Variants in FHIT observed in about 807,000 individuals in gnomAD.
FHIT encodes fragile histidine triad diadenosine triphosphatase.
FHIT carries 19 observed loss-of-function variants against 17.9 expected under a neutral mutation model. The ratio of observed to expected loss-of-function variants is 1.06; its 90% CI spans 0.74 to 1.56. FHIT has a LOEUF of 1.56. FHIT is among the 40% of genes most tolerant of loss of function. The pLI is 0.00. For synonymous variants in FHIT, 81 were observed against 69.7 expected (o/e 1.16, Z -0.81); for missense variants, 248 against 189.2 (o/e 1.31, Z -1.82).
intron 5 of FHIT, among the ~76,000 whole-genome samples, chr3:60,420,031 TGGGTCAAG>T (rs1372836476): frequency 6.6e-6 from 1 of 152,174 alleles, no homozygotes; most frequent in Non-Finnish European, 1.5e-5. Flanking sequence ...CTAAAGGTTC[TGGGTCAAG>T]GGGTCTAGAC....
At chr3:60,526,310 T>A (rs552457632) in intron 5 of FHIT, among the ~76,000 whole-genome samples, 2 of 152,152 alleles carry the variant, frequency 1.3e-5, no homozygotes, top group South Asian at 2.1e-4. Flanking sequence ...TTTCTGAGGA[T>A]CCATTTACAA....
At chr3:60,707,288 T>C (rs1188643427) in intron 4 of FHIT, among the ~76,000 whole-genome samples, 2 of 152,158 alleles carry the variant, frequency 1.3e-5, no homozygotes, top group African/African-American at 4.8e-5. Flanking sequence ...GATTCTATGA[T>C]CTACTATAAC....
chr3:59,893,832 T>C (rs1394445169), intron 8 of FHIT, among the ~76,000 whole-genome samples: 1 of 152,142 alleles, frequency 6.6e-6, no homozygotes, highest in Non-Finnish European at 1.5e-5. Context: ...AAACATTAGG[T>C]ATTGATGGGC....
intron 7 of FHIT, among the ~76,000 whole-genome samples, chr3:59,926,946 T>C (rs1368903906): frequency 6.6e-6 from 1 of 152,184 alleles, no homozygotes; most frequent in East Asian, 1.9e-4. Flanking sequence ...TGGAGTTACC[T>C]TGTGACTCAG....
At chr3:60,918,665 G>A (rs1707130578) in intron 3 of FHIT, among the ~76,000 whole-genome samples, 1 of 152,086 alleles carries the variant, frequency 6.6e-6, no homozygotes, top group Non-Finnish European at 1.5e-5. Flanking sequence ...AGCACAGCAG[G>A]GGCAGACACA....
At chr3:60,646,887 T>C (rs1423830109) in intron 4 of FHIT, among the ~76,000 whole-genome samples, 4 of 152,150 alleles carry the variant, frequency 2.6e-5, no homozygotes, top group African/African-American at 7.2e-5. Context: ...GAAGAGAAAA[T>C]GTGGATTACA....
chr3:60,596,015 A>G (rs1313421950), intron 4 of FHIT: 2 of 165,986 alleles, frequency 1.2e-5, no homozygotes, highest in Non-Finnish European at 2.5e-5. Flanking sequence ...AGCTTCTTCT[A>G]GGGCTCAGAA....
At chr3:60,568,460 G>A (rs973798005) in intron 4 of FHIT, among the ~76,000 whole-genome samples, 2 of 151,736 alleles carry the variant, frequency 1.3e-5, no homozygotes, top group African/African-American at 4.8e-5. Context: ...CCTGTTGTGG[G>A]GTGGAGGGAG....
chr3:61,211,510 A>G (rs944296760), intron 1 of FHIT, among the ~76,000 whole-genome samples: 4 of 152,172 alleles, frequency 2.6e-5, no homozygotes, highest in Admixed American at 2.6e-4. Context: ...GGAAGCATGA[A>G]CTGGGTAGAG....
chr3:59,958,730 C>G (rs1009978611), intron 7 of FHIT, among the ~76,000 whole-genome samples: 16 of 152,152 alleles, frequency 1.1e-4, no homozygotes, highest in Non-Finnish European at 1.3e-4. Flanking sequence ...TACTCTGAAA[C>G]AGATGTCACT....
chr3:60,390,981 A>G (rs1701207974), intron 5 of FHIT, among the ~76,000 whole-genome samples: 1 of 152,106 alleles, frequency 6.6e-6, no homozygotes, highest in African/African-American at 2.4e-5. Flanking sequence ...GGAGTTTGAG[A>G]CCAGCCTGGC....
chr3:60,546,565 A>T (rs2036372873), intron 4 of FHIT, among the ~76,000 whole-genome samples: 1 of 152,088 alleles, frequency 6.6e-6, no homozygotes, highest in African/African-American at 2.4e-5. Flanking sequence ...TTGTATTTTC[A>T]TTTGTCTTGT....
intron 1 of FHIT, among the ~76,000 whole-genome samples, chr3:61,236,388 A>G (rs2040232937): frequency 6.6e-6 from 1 of 151,904 alleles, no homozygotes; most frequent in Non-Finnish European, 1.5e-5. Flanking sequence ...GTTGACAACA[A>G]TCTTTTACTA....
chr3:60,971,304 C>T (rs1318340265), intron 3 of FHIT, among the ~76,000 whole-genome samples: 1 of 152,224 alleles, frequency 6.6e-6, no homozygotes, highest in East Asian at 1.9e-4. Context: ...CGGGAGGTTT[C>T]AGTGAGCAGC....
At chr3:61,022,023 C>G (rs563970260) in intron 3 of FHIT, among the ~76,000 whole-genome samples, 3 of 151,812 alleles carry the variant, frequency 2.0e-5, no homozygotes, top group Non-Finnish European at 2.9e-5. Flanking sequence ...GATAGAGACA[C>G]GAAAAACCCT....
At chr3:60,150,433 C>T (rs1576205991) in intron 5 of FHIT, among the ~76,000 whole-genome samples, 1 of 152,156 alleles carries the variant, frequency 6.6e-6, no homozygotes, top group South Asian at 2.1e-4. Context: ...AAGGCAAACA[C>T]TAGAAATTTA....
Position 61,087,461 on chromosome 3 carries a change from A to G in FHIT, c.-163-45362T>C, listed in dbSNP as rs75548437. ...AAGGTTCTCAGCCTCAACTTCCTAAACTATAAAATGGGGATAATGGTAGAA... is the reference window on the plus strand; with the variant it reads ...AAGGTTCTCAGCCTCAACTTCCTAAGCTATAAAATGGGGATAATGGTAGAA... On this transcript the variant is annotated intron_variant, in intron 2 of 9. Coordinates refer to ENST00000492590, the MANE Select transcript of FHIT (RefSeq NM_002012.4). Among the ~76,000 whole-genome samples the G allele has an allele frequency of 4.3e-3, 650 of 152,228 alleles. 1 individual carries two copies. The highest frequency in any genetic ancestry group is 7.5e-3 in the Non-Finnish European group (508 of 67,994).
intron 5 of FHIT, among the ~76,000 whole-genome samples, chr3:60,305,275 T>C (rs1055990655): frequency 5.3e-5 from 8 of 152,216 alleles, no homozygotes; most frequent in African/African-American, 1.9e-4. Context: ...TCATTTCCAG[T>C]AAAGTGAATA....
At chr3:60,009,732 C>T (rs1700068787) in intron 7 of FHIT, among the ~76,000 whole-genome samples, 1 of 152,178 alleles carries the variant, frequency 6.6e-6, no homozygotes, top group African/African-American at 2.4e-5. Context: ...ACCATCACCA[C>T]TAAGTCCACA....
Sources: allele counts gnomAD v4.1 joint callset (sites outside exome capture counted in the v4.1 genomes callset), GRCh38; gene constraint gnomAD v4.1.1; transcripts MANE v1.5; gene names NCBI Gene and HGNC (gene_info 2026-07-23, HGNC 2026-07-21).